Variants in WWOX observed in about 807,000 individuals in gnomAD.
WWOX encodes WW domain-containing oxidoreductase.
Under a neutral mutation model 46.2 loss-of-function variants are expected in WWOX, and 69 were observed. That is an observed-to-expected ratio of 1.49 (90% CI 1.23 to 1.82). The LOEUF (loss-of-function observed/expected upper bound fraction) is 1.82, where lower values mean the gene tolerates loss of function less well. WWOX is among the 40% of genes most tolerant of loss of function. The pLI is 0.00. For synonymous variants in WWOX, 359 were observed against 202.6 expected, an observed-to-expected ratio of 1.77 and a Z score of -6.56; for missense variants, 919 against 542.6, an observed-to-expected ratio of 1.69 and a Z score of -6.89.
At chr16:78,992,291 G>A (rs549871412) in intron 8 of WWOX, among the ~76,000 whole-genome samples, 15 of 100,858 alleles carry the variant, frequency 1.5e-4, no homozygotes, top group South Asian at 4.6e-4. Context: ...TGCGAATCCC[G>A]GTCTCTACTA....
At chr16:78,569,468 G>T (rs932346054) in intron 8 of WWOX, among the ~76,000 whole-genome samples, 5 of 152,114 alleles carry the variant, frequency 3.3e-5, no homozygotes, top group African/African-American at 1.2e-4. Context: ...GAGAAAAGGG[G>T]GAAAAAGTTA....
At chr16:78,606,876 G>T (rs2045772975) in intron 8 of WWOX, among the ~76,000 whole-genome samples, 1 of 152,136 alleles carries the variant, frequency 6.6e-6, no homozygotes, top group Admixed American at 6.5e-5. Flanking sequence ...ACTTGAGTGG[G>T]CAGGGATTGT....
intron 8 of WWOX, among the ~76,000 whole-genome samples, chr16:78,492,591 C>T (rs1436712789): frequency 6.6e-6 from 1 of 152,210 alleles, no homozygotes; most frequent in Non-Finnish European, 1.5e-5. Context: ...AGGAGATATT[C>T]ATGGAATCAC....
intron 8 of WWOX, among the ~76,000 whole-genome samples, chr16:78,957,715 C>G (rs1445912673): frequency 6.6e-6 from 1 of 152,176 alleles, no homozygotes. Context: ...GTGAACCTCT[C>G]CGTTAGGAGA....
chr16:78,278,518 T>A, intron 5 of WWOX: 1 of 1,359,240 alleles, frequency 7.4e-7, no homozygotes, highest in Non-Finnish European at 1.0e-6. Flanking sequence ...TAGCAAAAAC[T>A]TATCTTTGGA....
intron 7 of WWOX, among the ~76,000 whole-genome samples, chr16:78,428,506 C>G (rs964055365): frequency 6.6e-6 from 1 of 152,196 alleles, no homozygotes; most frequent in African/African-American, 2.4e-5. Context: ...GTGCCTGATA[C>G]GTAGCAGCTG....
intron 7 of WWOX, among the ~76,000 whole-genome samples, chr16:78,431,322 C>A (rs1347216770): frequency 1.3e-5 from 2 of 152,140 alleles, no homozygotes; most frequent in African/African-American, 4.8e-5. Context: ...ACGTATAAGA[C>A]TATTGATGGT....
intron 5 of WWOX, among the ~76,000 whole-genome samples, chr16:78,186,496 C>T (rs6564512): frequency 6.6e-6 from 1 of 152,066 alleles, no homozygotes; most frequent in Non-Finnish European, 1.5e-5. Context: ...AGATGCAGTG[C>T]CTCATGCCTG....
At chr16:78,599,195 A>G (rs998633161) in intron 8 of WWOX, among the ~76,000 whole-genome samples, 5 of 152,110 alleles carry the variant, frequency 3.3e-5, no homozygotes, top group Non-Finnish European at 2.9e-5. Context: ...AATGTAAATC[A>G]CCTCCAAGAA....
intron 8 of WWOX, among the ~76,000 whole-genome samples, chr16:78,584,663 C>T (rs545924076): frequency 2.0e-4 from 31 of 152,234 alleles, no homozygotes; most frequent in African/African-American, 5.8e-4. Flanking sequence ...CTTGTGTAAA[C>T]GTGAAAAGCA....
chr16:78,663,259 C>T (rs942735566), intron 8 of WWOX, among the ~76,000 whole-genome samples: 1 of 152,156 alleles, frequency 6.6e-6, no homozygotes, highest in Admixed American at 6.5e-5. Flanking sequence ...AATACGTGGC[C>T]AACTGACTTC....
chr16:78,183,986 G>T (rs761450505), intron 5 of WWOX, among the ~76,000 whole-genome samples: 16 of 152,126 alleles, frequency 1.1e-4, no homozygotes, highest in Non-Finnish European at 1.5e-4. Flanking sequence ...CTTTGGGCAG[G>T]CTTCAGCAAC....
intron 8 of WWOX, among the ~76,000 whole-genome samples, chr16:79,042,066 C>G (rs967349796): frequency 1.3e-5 from 2 of 152,132 alleles, no homozygotes; most frequent in Non-Finnish European, 2.9e-5. Context: ...CTGATTAACT[C>G]TCTAGCTACC....
In WWOX at chr16:78,924,972, A is replaced by G. The variant is rs1004929456; in HGVS notation, c.1057-286636A>G. On this transcript the variant is annotated intron_variant, in intron 8 of 8. Coordinates refer to ENST00000566780, the MANE Select transcript of WWOX (RefSeq NM_016373.4). ...CACTTTGGGGGGCCAAGGCGGGAGG[A>G]TCAGTTGAGCTCAGGCGTTCAAGAC... is the stretch of plus-strand genomic sequence containing the variant. Among the ~76,000 whole-genome samples the G allele has an allele frequency of 1.4e-4, 22 of 152,090 alleles. 1 individual carries two copies. The highest frequency in any genetic ancestry group is 2.8e-4 in the Non-Finnish European group (19 of 68,010).
chr16:78,853,899 T>C (rs1353910104), intron 8 of WWOX, among the ~76,000 whole-genome samples: 4 of 152,174 alleles, frequency 2.6e-5, no homozygotes, highest in Admixed American at 1.3e-4. Context: ...GATTCAGACA[T>C]TGATGTAATT....
chr16:78,399,611 C>T (rs556037999), intron 6 of WWOX, among the ~76,000 whole-genome samples: 9 of 152,222 alleles, frequency 5.9e-5, no homozygotes, highest in Middle Eastern at 3.4e-3. Flanking sequence ...AGCAAATCCC[C>T]GGCGTCAGGG....
chr16:78,533,139 A>G (rs2043664401), intron 8 of WWOX, among the ~76,000 whole-genome samples: 2 of 151,974 alleles, frequency 1.3e-5, no homozygotes, highest in African/African-American at 4.8e-5. Context: ...GGCTAAACCA[A>G]CCAAAGGTTG....
intron 8 of WWOX, among the ~76,000 whole-genome samples, chr16:78,831,629 T>C (rs2051828827): frequency 6.6e-6 from 1 of 152,200 alleles, no homozygotes; most frequent in Non-Finnish European, 1.5e-5. Context: ...GTCTTTCTTT[T>C]CTTGAGTTTT....
chr16:79,110,062 C>T (rs770237220), intron 8 of WWOX, among the ~76,000 whole-genome samples: 2 of 152,176 alleles, frequency 1.3e-5, no homozygotes, highest in Non-Finnish European at 2.9e-5. Flanking sequence ...AGGGTGTGAT[C>T]CTGTTATTGG....
Sources: allele counts gnomAD v4.1 joint callset (sites outside exome capture counted in the v4.1 genomes callset), GRCh38; gene constraint gnomAD v4.1.1; transcripts MANE v1.5; gene names NCBI Gene and HGNC (gene_info 2026-07-23, HGNC 2026-07-21).